RUNX2: variants seen among roughly 807,000 people sequenced by gnomAD.
The protein encoded by RUNX2 is runt-related transcription factor 2.
A neutral mutation model predicts 51.7 loss-of-function variants in RUNX2; 10 were observed. The observed-to-expected ratio is 0.19, with a 90% CI of 0.12 to 0.33. The LOEUF (loss-of-function observed/expected upper bound fraction) is 0.33. Ranked by LOEUF, RUNX2 falls within the 10% of genes least tolerant of loss-of-function variation. The pLI is 1.00. For missense variants in RUNX2, 562 were observed against 691.3 expected, an observed-to-expected ratio of 0.81 and a Z score of 2.10; for synonymous variants, 276 against 273.6, an observed-to-expected ratio of 1.01 and a Z score of -0.09.
At chr6:45,339,692 T>C (rs1284957700) in intron 2 of RUNX2, among the ~76,000 whole-genome samples, 1 of 152,144 alleles carries the variant, frequency 6.6e-6, no homozygotes, top group African/African-American at 2.4e-5. Context: ...AAATAGCTAT[T>C]CTAAGTACAT....
Position 45,371,822 on chromosome 6 carries a change from C to T in RUNX2, c.58+43038C>T, listed in dbSNP as rs1007793067. The T allele has an allele frequency of 1.4e-5, 14 of 983,870 alleles. No homozygotes were observed. In the African/African-American group the frequency reaches 2.3e-4, roughly 16 times the overall value. The allele number at this position is 983,870 out of a possible 1,614,324, so 60.9% of individuals were successfully genotyped here. ...CAAATTGGTGGGAGGGAACCAAAGA[C>T]ATCTGAGCAGACTTCAGAACTACAG... On this transcript the variant is annotated intron_variant, in intron 2 of 8. Transcript: ENST00000647337.
At chr6:45,425,077 C>T (rs1294522831) in intron 3 of RUNX2, among the ~76,000 whole-genome samples, 1 of 152,010 alleles carries the variant, frequency 6.6e-6, no homozygotes, top group Non-Finnish European at 1.5e-5. Context: ...AAACCCCAAA[C>T]CTGGATGAAA....
chr6:45,421,404 C>G (rs906351579), intron 2 of RUNX2: 7 of 150,006 alleles, frequency 4.7e-5, no homozygotes, highest in Admixed American at 6.6e-5. Context: ...CTCCACCCCC[C>G]CTCCTCATTT....
At chr6:45,335,563 C>CA (rs1480428389) in intron 2 of RUNX2, among the ~76,000 whole-genome samples, 1 of 151,216 alleles carries the variant, frequency 6.6e-6, no homozygotes, top group Non-Finnish European at 1.5e-5. Context: ...CATAAACTGT[C>CA]AGATTACAGA....
At chr6:45,403,444 G>A (rs1324207419) in intron 2 of RUNX2, among the ~76,000 whole-genome samples, 3 of 151,964 alleles carry the variant, frequency 2.0e-5, no homozygotes, top group Admixed American at 6.6e-5. Context: ...TGTTGGTCAG[G>A]CTGGTCTCGA....
chr6:45,383,224 C>T (rs1424762468), intron 2 of RUNX2, among the ~76,000 whole-genome samples: 1 of 151,948 alleles, frequency 6.6e-6, no homozygotes, highest in East Asian at 1.9e-4. Flanking sequence ...CATTTGAGGC[C>T]GGTTCAAGAC....
At position 45,519,788 on chromosome 6, in the gene RUNX2, A is replaced by ATGTGTG. The variant is rs1409149253; in HGVS notation, c.1021+7382_1021+7383insGTGTGT. ...GAAGGATGCTATTATATATATATATATATGTGTGTGTGTGTGTGTGTGTGT... is the reference window on the plus strand; with the variant it reads ...GAAGGATGCTATTATATATATATATATGTGTGTATGTGTGTGTGTGTGTGTGTGTGT... On this transcript the variant is annotated intron_variant, in intron 7 of 8. Transcript: ENST00000647337. Among the ~76,000 whole-genome samples, 14 of 118,910 alleles carry ATGTGTG rather than the reference A, an allele frequency of 1.2e-4. No individual in the cohort carries two copies. In the South Asian group the frequency reaches 1.2e-3, roughly 10 times the overall value. 78.0% of individuals were successfully genotyped at this position (118,910 alleles called of 152,430 possible).
At chr6:45,432,153 T>C in intron 4 of RUNX2, 134 bp downstream of exon 4, 3 of 878,616 alleles carry the variant, frequency 3.4e-6, no homozygotes, top group Non-Finnish European at 5.5e-6. Context: ...TTTAAATACA[T>C]CCAGATGAAG....
Position 45,434,957 on chromosome 6 carries a change from T to C in RUNX2, c.580+2938T>C, listed in dbSNP as rs146822877. Among the ~76,000 whole-genome samples, 368 of 152,330 alleles carry C rather than the reference T, an allele frequency of 2.4e-3. 1 individual carries two copies. The highest frequency in any genetic ancestry group is 8.1e-3 in the African/African-American group (338 of 41,576). Reference sequence around the variant, plus strand: ...ATGAAGAACCAATTACTAAATTGGTTGGTAATTTCTGAAAATTTCTTCAAC... The same window carrying C: ...ATGAAGAACCAATTACTAAATTGGTCGGTAATTTCTGAAAATTTCTTCAAC... On this transcript the variant is annotated intron_variant, in intron 4 of 8. Transcript: ENST00000647337.
At chr6:45,407,039 C>T (rs943443083) in intron 2 of RUNX2, among the ~76,000 whole-genome samples, 7 of 152,144 alleles carry the variant, frequency 4.6e-5, no homozygotes, top group African/African-American at 9.7e-5. Flanking sequence ...ACCTGTAAAA[C>T]CCTGATCTGA....
At chr6:45,397,257 C>G (rs1797603073) in intron 2 of RUNX2, among the ~76,000 whole-genome samples, 1 of 151,978 alleles carries the variant, frequency 6.6e-6, no homozygotes, top group Non-Finnish European at 1.5e-5. Flanking sequence ...GGGCCCACCA[C>G]CACGTCCGGC....
At chr6:45,490,846 G>A (rs1800439573) in intron 5 of RUNX2, among the ~76,000 whole-genome samples, 1 of 151,994 alleles carries the variant, frequency 6.6e-6, no homozygotes, top group South Asian at 2.1e-4. Flanking sequence ...AAATGTTAGG[G>A]CAGCACCCTA....
chr6:45,357,946 C>A (rs570308531), intron 2 of RUNX2, among the ~76,000 whole-genome samples: 1 of 152,130 alleles, frequency 6.6e-6, no homozygotes, highest in East Asian at 1.9e-4. Context: ...AAACTGAACA[C>A]ATTTCTTTAT....
In RUNX2 at chr6:45,534,252, T is replaced by C. The variant is rs116247089; in HGVS notation, c.1022-10965T>C. Among the ~76,000 whole-genome samples the C allele has an allele frequency of 5.2e-3, 787 of 151,944 alleles. 8 individuals are homozygous for C. The highest frequency in any genetic ancestry group is 0.018 in the African/African-American group (736 of 41,450). ...AGTAGATGCTAATGAGGCACCTCTA[T>C]TGGGGGAAAAAAGGACACAAATTGG... On this transcript the variant is annotated intron_variant, in intron 7 of 8. Transcript: ENST00000647337.
At chr6:45,517,185 GA>G (rs1201269425) in intron 7 of RUNX2, among the ~76,000 whole-genome samples, 3 of 151,966 alleles carry the variant, frequency 2.0e-5, no homozygotes, top group African/African-American at 4.8e-5. Flanking sequence ...GGTCACTATA[GA>G]TTTTTTTTTT....
At chr6:45,379,893 A>G (rs1192836801) in intron 2 of RUNX2, among the ~76,000 whole-genome samples, 2 of 151,970 alleles carry the variant, frequency 1.3e-5, no homozygotes, top group Non-Finnish European at 2.9e-5. Context: ...CACGCACAAC[A>G]AAAGTTAATG....
intron 7 of RUNX2, among the ~76,000 whole-genome samples, 166 bp from the exon 8 acceptor site, chr6:45,545,051 C>A (rs1359529566): frequency 1.3e-5 from 2 of 152,088 alleles, no homozygotes; most frequent in Admixed American, 6.5e-5. Flanking sequence ...CTAGCTTTTA[C>A]CCTCTGCTTA....
chr6:45,549,568 C>T lies in RUNX2; in HGVS notation c.*2263C>T. 1 of 394,270 alleles carries T rather than the reference C, an allele frequency of 2.5e-6. No homozygotes were observed. Among genetic ancestry groups the T allele is most frequent in the Admixed American group, 4.4e-5 (1 of 22,588 alleles). The allele number at this position is 394,270 out of a possible 1,614,324, so 24.4% of individuals were successfully genotyped here. ...ATTGTTTGTGTGTGGTAGCTTGAAG[C>T]ACACCACTGTCCATTTATTTGTAAG... On this transcript the variant is annotated 3_prime_UTR_variant, in exon 9 of 9. Coordinates refer to ENST00000647337, the MANE Select transcript of RUNX2 (RefSeq NM_001024630.4).
chr6:45,440,789 G>A (rs1798822478), intron 5 of RUNX2, among the ~76,000 whole-genome samples: 1 of 152,032 alleles, frequency 6.6e-6, no homozygotes, highest in Admixed American at 6.6e-5. Context: ...TATACAATAT[G>A]TAAATAATTT....
Sources: gnomAD v4.1 joint callset for allele counts (sites outside exome capture counted in the v4.1 genomes callset) on GRCh38, gnomAD v4.1.1 for gene constraint, MANE v1.5 for transcripts, NCBI Gene and HGNC (gene_info 2026-07-23, HGNC 2026-07-21) for gene names.